Variants in UNC80 observed in about 807,000 individuals in gnomAD.
UNC80 encodes unc-80 subunit of NALCN channel complex.
In UNC80, 164 loss-of-function variants were observed where a neutral mutation model predicts 384.6. The ratio of observed to expected loss-of-function variants is 0.43; its 90% CI spans 0.38 to 0.49. The LOEUF is 0.49. UNC80 is among the 20% of genes least tolerant of loss of function. UNC80 has a pLI of 0.00. For synonymous variants in UNC80, 1,486 were observed against 1,527.8 expected, an observed-to-expected ratio of 0.97 and a Z score of 0.64; for missense variants, 3,330 against 4,143.0, an observed-to-expected ratio of 0.80 and a Z score of 5.39.
chr2:209,926,691 T>G (rs1447210829), intron 35 of UNC80, among the ~76,000 whole-genome samples, 152 bp from the exon 36 acceptor site: 1 of 152,118 alleles, frequency 6.6e-6, no homozygotes, highest in African/African-American at 2.4e-5. Context: ...CAGGAGGATC[T>G]CTTGAGCCCA....
chr2:209,909,950 C>T (rs1214155144), intron 29 of UNC80, among the ~76,000 whole-genome samples: 1 of 151,760 alleles, frequency 6.6e-6, no homozygotes, highest in Non-Finnish European at 1.5e-5. Flanking sequence ...TTTATCAATA[C>T]CAAAGGACAG....
intron 32 of UNC80, 129 bp from the exon 33 acceptor site, chr2:209,918,390 CCTTTTCTAAAATT>C: frequency 2.1e-6 from 2 of 966,448 alleles, no homozygotes; most frequent in Non-Finnish European, 3.0e-6. Context: ...GGCAAATAGC[CCTTTTCTAAAATT>C]CTTGTTCATT....
intron 59 of UNC80, 28 bp downstream of exon 59, chr2:209,978,736 T>C (rs1238802906): frequency 2.0e-6 from 3 of 1,500,248 alleles, no homozygotes; most frequent in Non-Finnish European, 2.7e-6. Flanking sequence ...ATCTGGGCAG[T>C]AGACATGGCC....
chr2:209,874,090 A>G, intron 23 of UNC80, among the ~76,000 whole-genome samples: 1 of 152,194 alleles, frequency 6.6e-6, no homozygotes, highest in East Asian at 1.9e-4. Context: ...CACATTATAT[A>G]TGAGAAGACA....
intron 31 of UNC80, among the ~76,000 whole-genome samples, chr2:209,917,420 T>C (rs527975577): frequency 1.3e-5 from 2 of 152,332 alleles, no homozygotes; most frequent in African/African-American, 4.8e-5. Flanking sequence ...ATAACTTTAT[T>C]TATTGTCCTC....
chr2:209,849,871 C>A (rs1345733456), intron 22 of UNC80, among the ~76,000 whole-genome samples: 3 of 152,096 alleles, frequency 2.0e-5, no homozygotes, highest in African/African-American at 7.2e-5. Context: ...ATCACTCTGA[C>A]ATTTACCACC....
intron 47 of UNC80, among the ~76,000 whole-genome samples, chr2:209,953,534 T>G (rs1285005864): frequency 6.6e-6 from 1 of 151,098 alleles, no homozygotes; most frequent in African/African-American, 2.4e-5. Context: ...CCCTTCAAGG[T>G]GTTTCTGGCA....
At chr2:209,776,813 A>G (rs1360269239) in intron 3 of UNC80, among the ~76,000 whole-genome samples, 1 of 152,146 alleles carries the variant, frequency 6.6e-6, no homozygotes, top group South Asian at 2.1e-4. Context: ...AATATTTTAC[A>G]GATTGCTTTT....
chr2:209,905,544 G>C (rs2088082793), intron 29 of UNC80, among the ~76,000 whole-genome samples: 1 of 152,152 alleles, frequency 6.6e-6, no homozygotes, highest in Non-Finnish European at 1.5e-5. Flanking sequence ...AGAGCCTTCA[G>C]AAGCAACCAC....
intron 39 of UNC80, among the ~76,000 whole-genome samples, chr2:209,935,458 C>A (rs1049200856): frequency 1.3e-5 from 2 of 151,888 alleles, no homozygotes; most frequent in Non-Finnish European, 1.5e-5. Context: ...CTCGTCTCTA[C>A]TAAAAATAAA....
chr2:209,926,080 A>G (rs1407583427), intron 35 of UNC80, among the ~76,000 whole-genome samples: 1 of 151,994 alleles, frequency 6.6e-6, no homozygotes, highest in Non-Finnish European at 1.5e-5. Flanking sequence ...TTGTTATTGT[A>G]TTTATCAATG....
chr2:209,938,938 C>T (rs1238540219), intron 42 of UNC80, among the ~76,000 whole-genome samples: 4 of 152,104 alleles, frequency 2.6e-5, no homozygotes, highest in Non-Finnish European at 5.9e-5. Flanking sequence ...GAGAAAAGGA[C>T]CTAAGAACCA....
At chr2:209,905,785 C>T (rs1015085402) in intron 29 of UNC80, among the ~76,000 whole-genome samples, 2 of 152,160 alleles carry the variant, frequency 1.3e-5, no homozygotes, top group African/African-American at 4.8e-5. Context: ...TTACATTTTT[C>T]AAGTATTCAG....
At position 209,817,036 on chromosome 2, in the gene UNC80, C is replaced by T. The variant is rs1222726962; in HGVS notation, c.1463C>T (p.Thr488Met). ...LHEDHLDVSP[T>M]RSTFSFGSFS... ...GAGGACCACCTGGATGTGTCCCCCA[C>T]GCGCAGCACATTCTCCTTTGGAAGT... Residue 488 changes from threonine (T) to methionine (M), a missense_variant, in exon 10 of 65, where the codon ACG becomes ATG. Thr to Met is a moderately conservative substitution (Grantham distance 81). Coordinates refer to ENST00000673920, the MANE Select transcript of UNC80 (RefSeq NM_001371986.1). 5.8e-6 allele frequency: 9 copies of T among 1,551,590 alleles called. No individual in the cohort carries two copies. The highest frequency in any genetic ancestry group is 2.4e-5 in the East Asian group (1 of 40,930).
intron 26 of UNC80, among the ~76,000 whole-genome samples, chr2:209,891,234 A>G (rs1360626381): frequency 6.6e-6 from 1 of 152,166 alleles, no homozygotes; most frequent in Non-Finnish European, 1.5e-5. Flanking sequence ...AAATACAGAT[A>G]ATCATATATC....
At chr2:209,893,588 A>G (rs2086549589) in intron 26 of UNC80, among the ~76,000 whole-genome samples, 1 of 152,158 alleles carries the variant, frequency 6.6e-6, no homozygotes, top group Non-Finnish European at 1.5e-5. Context: ...GATAGTATGA[A>G]GTCATTAAGT....
At chr2:209,800,408 C>G (rs541589216) in intron 7 of UNC80, among the ~76,000 whole-genome samples, 1 of 151,336 alleles carries the variant, frequency 6.6e-6, no homozygotes, top group Non-Finnish European at 1.5e-5. Context: ...GGTGATATCC[C>G]CTTTATCATT....
At chr2:209,972,159 T>G in intron 54 of UNC80, 42 bp from the exon 55 acceptor site, 6 of 1,541,466 alleles carry the variant, frequency 3.9e-6, no homozygotes, top group Non-Finnish European at 5.3e-6. Flanking sequence ...ACTAAATGGG[T>G]GTGGTGGTCA....
chr2:209,934,945 C>T (rs2091145189), intron 39 of UNC80, among the ~76,000 whole-genome samples: 1 of 152,068 alleles, frequency 6.6e-6, no homozygotes, highest in South Asian at 2.1e-4. Context: ...AAAAACAACT[C>T]ACTAAAAATT....
Sources: allele counts gnomAD v4.1 joint callset (sites outside exome capture counted in the v4.1 genomes callset), GRCh38; gene constraint gnomAD v4.1.1; transcripts MANE v1.5; gene names NCBI Gene and HGNC (gene_info 2026-07-23, HGNC 2026-07-21).